The following CAPN7 variants were observed in gnomAD, a reference collection of about 807,000 sequenced individuals.
The protein encoded by CAPN7 is calpain-7.
CAPN7 carries 72 observed loss-of-function variants against 115.2 expected under a neutral mutation model. The ratio of observed to expected loss-of-function variants is 0.63; its 90% confidence interval spans 0.52 to 0.76. CAPN7 has a LOEUF of 0.76. Ranked by LOEUF, CAPN7 falls within the 30% of genes least tolerant of loss-of-function variation. CAPN7 has a pLI of 0.00. For missense variants in CAPN7, 905 were observed against 971.5 expected (o/e 0.93, Z 0.91); for synonymous variants, 344 against 322.3 (o/e 1.07, Z -0.72).
At chr3:15,246,711 A>G in intron 17 of CAPN7, 21 bp from the exon 18 acceptor site, 1 of 1,524,014 alleles carries the variant, frequency 6.6e-7, no homozygotes, top group Non-Finnish European at 9.1e-7. Context: ...ATTTATCAAT[A>G]CAGTCTTTTT....
intron 2 of CAPN7, among the ~76,000 whole-genome samples, chr3:15,214,271 A>G (rs6442503): frequency 0.12 from 17,954 of 152,214 alleles, 3,527 homozygotes; most frequent in African/African-American, 0.4. Flanking sequence ...TAGACAATTT[A>G]AAGGATTTTC....
At chr3:15,242,071 G>GT (rs1182147402) in intron 15 of CAPN7, 107 bp from the exon 16 acceptor site, 1 of 717,168 alleles carries the variant, frequency 1.4e-6, no homozygotes, top group East Asian at 2.8e-5. Context: ...TAAAATTAGA[G>GT]ATTTTTTGTG....
At chr3:15,226,827 CTT>C (rs758684819) in intron 6 of CAPN7, among the ~76,000 whole-genome samples, 2 of 151,926 alleles carry the variant, frequency 1.3e-5, no homozygotes, top group Non-Finnish European at 2.9e-5. Context: ...AAAATCCTCT[CTT>C]CTCCCAGTAT....
intron 8 of CAPN7, 60 bp downstream of exon 8, chr3:15,229,119 A>G (rs1694513320): frequency 8.2e-7 from 1 of 1,218,116 alleles, no homozygotes; most frequent in Admixed American, 1.7e-5. Flanking sequence ...AGAAATTTAA[A>G]ACTTAAGCCT....
chr3:15,243,781 T>C (rs1342799591), intron 16 of CAPN7, among the ~76,000 whole-genome samples: 3 of 151,054 alleles, frequency 2.0e-5, no homozygotes, highest in Non-Finnish European at 4.4e-5. Flanking sequence ...TACTGAGGTC[T>C]ACTTGAAGTG....
intron 1 of CAPN7, among the ~76,000 whole-genome samples, chr3:15,209,710 G>A (rs146899935): frequency 3.3e-5 from 5 of 152,292 alleles, no homozygotes; most frequent in African/African-American, 9.6e-5. Context: ...AAATAGCTTT[G>A]ACAACAGGTT....
chr3:15,208,469 T>A (rs1169578064), intron 1 of CAPN7, among the ~76,000 whole-genome samples: 1 of 149,024 alleles, frequency 6.7e-6, no homozygotes, highest in East Asian at 1.9e-4. Context: ...TTTTTTTTTT[T>A]TTTTTTGTGT....
intron 6 of CAPN7, 137 bp from the exon 7 acceptor site, chr3:15,227,702 A>G: frequency 2.3e-6 from 1 of 425,554 alleles, no homozygotes; most frequent in Non-Finnish European, 4.1e-6. Flanking sequence ...GCCAGATTTG[A>G]CCAGAAGGTT....
chr3:15,242,089 TTA>T (rs1419824355), intron 15 of CAPN7, 87 bp from the exon 16 acceptor site: 1 of 815,498 alleles, frequency 1.2e-6, no homozygotes, highest in Non-Finnish European at 2.0e-6. Flanking sequence ...GTGGAGAGAT[TTA>T]GAGCATTTTT....
At chr3:15,246,659 C>A in intron 17 of CAPN7, 73 bp from the exon 18 acceptor site, 1 of 1,078,738 alleles carries the variant, frequency 9.3e-7, no homozygotes, top group Non-Finnish European at 1.4e-6. Flanking sequence ...TTTAGTCTTC[C>A]AATATATTCA....
chr3:15,208,056 CATT>C (rs2124846706), intron 1 of CAPN7, among the ~76,000 whole-genome samples: 1 of 152,246 alleles, frequency 6.6e-6, no homozygotes, highest in Non-Finnish European at 1.5e-5. Context: ...TGTGCTATGA[CATT>C]ATGATGGCTA....
intron 3 of CAPN7, 91 bp from the exon 4 acceptor site, chr3:15,218,382 A>G (rs1693767276): frequency 1.3e-6 from 1 of 797,810 alleles, no homozygotes; most frequent in Non-Finnish European, 2.2e-6. Flanking sequence ...CAAGTGTAAT[A>G]TGCATTGTAA....
intron 12 of CAPN7, 90 bp downstream of exon 12, chr3:15,235,235 CA>C (rs1432538919): frequency 8.6e-7 from 1 of 1,165,498 alleles, no homozygotes; most frequent in Non-Finnish European, 1.2e-6. Flanking sequence ...TGAATACTGA[CA>C]AATCAAGGTT....
At position 15,240,530 on chromosome 3, in the gene CAPN7, T is replaced by TA. The variant is rs1559407592; in HGVS notation, c.1466dup (p.Tyr489Ter). Residue 489 changes from tyrosine (Y) to a stop codon, truncating the protein, a stop_gained and frameshift_variant, in exon 13 of 21, where the codon TAC (tyrosine) becomes TAAC (stop). Coordinates refer to ENST00000253693, the MANE Select transcript of CAPN7 (RefSeq NM_014296.3). LOFTEE classifies it high-confidence loss of function. ...GAGTCATTTACGTTGGAAAGGAAGA[T>TA]ACAGTGAAAATGATGTAAAAAACTG... is the stretch of plus-strand genomic sequence containing the variant. The part of the protein sequence containing the change: ...PWSHLRWKGR[Y>*]SENDVKNWTP... 6.2e-7 allele frequency: 1 copy of TA among 1,613,366 alleles called. No individual in the cohort carries two copies.
At position 15,245,980 on chromosome 3, in the gene CAPN7, C is replaced by G. The variant is rs1695636547; in HGVS notation, c.2010+309C>G. On this transcript the variant is annotated intron_variant, in intron 17 of 20. Transcript: ENST00000253693. ...TGAGACAGAGTCTTGCTCTGTCACC[C>G]AGGCTGGAGTGAGTGCATTAGTGCA... is the stretch of plus-strand genomic sequence containing the variant. 2.7e-5 allele frequency: 5 copies of G among 185,872 alleles called. No homozygotes were observed. The Admixed American group carries it at 3.1e-4, about 11-fold the overall frequency. 11.5% of individuals were successfully genotyped at this position (185,872 alleles called of 1,614,324 possible).
At chr3:15,211,025 T>C (rs1559383325) in intron 1 of CAPN7, 4 of 773,060 alleles carry the variant, frequency 5.2e-6, no homozygotes, top group Non-Finnish European at 6.4e-6. Flanking sequence ...CTTCTAGCCA[T>C]AGCATAACTG....
intron 1 of CAPN7, among the ~76,000 whole-genome samples, chr3:15,208,226 A>G (rs1343372923): frequency 7.7e-6 from 1 of 130,316 alleles, no homozygotes; most frequent in East Asian, 2.2e-4. Flanking sequence ...TTTTTTTTTT[A>G]CAAACTGGTT....
At position 15,223,572 on chromosome 3, in the gene CAPN7, A is replaced by G; in HGVS notation, c.725+11A>G. ...TCCAATGCCTTTCTGGTAAGTAAGCACTGTTGCAATTTTTAACTCCAATAT... is the reference window on the plus strand; with the variant it reads ...TCCAATGCCTTTCTGGTAAGTAAGCGCTGTTGCAATTTTTAACTCCAATAT... On this transcript the variant is annotated intron_variant, in intron 6 of 20. Transcript: ENST00000253693. 6.6e-7 allele frequency: 1 copy of G among 1,519,356 alleles called. No individual in the cohort carries two copies. The highest frequency in any genetic ancestry group is 2.3e-5 in the East Asian group (1 of 43,448). 94.1% of individuals were successfully genotyped at this position (1,519,356 alleles called of 1,614,324 possible). A position where few individuals can be genotyped will look rare whatever the true frequency, so the allele number is the denominator to read the frequency against.
At chr3:15,217,638 G>A (rs1693715357) in intron 3 of CAPN7, 56 bp downstream of exon 3, 1 of 1,420,078 alleles carries the variant, frequency 7.0e-7, no homozygotes, top group Admixed American at 2.4e-5. Flanking sequence ...TTCTTCTCTT[G>A]CTAGTGAATT....
Sources: allele counts gnomAD v4.1 joint callset (sites outside exome capture counted in the v4.1 genomes callset), GRCh38; gene constraint gnomAD v4.1.1; transcripts MANE v1.5; gene names NCBI Gene and HGNC (gene_info 2026-07-23, HGNC 2026-07-21).